Variants in MYO7A observed in about 807,000 individuals in gnomAD.
The protein encoded by MYO7A is myosin VIIA, also known as unconventional myosin-VIIa.
Under a neutral mutation model 263.8 loss-of-function variants are expected in MYO7A, and 210 were observed. The observed-to-expected ratio is 0.80, with a 90% CI of 0.71 to 0.89. MYO7A has a LOEUF of 0.89. MYO7A is among the 40% of genes least tolerant of loss of function. The pLI, the probability that MYO7A is intolerant of heterozygous loss-of-function variation, is 0.00. For synonymous variants in MYO7A, 1,239 were observed against 1,197.3 expected (o/e 1.03, Z -0.72); for missense variants, 2,820 against 2,968.3 (o/e 0.95, Z 1.16).
chr11:77,189,538 G>A (rs1555090550), intron 28 of MYO7A, 68 bp downstream of exon 28: 9 of 1,590,612 alleles, frequency 5.7e-6, no homozygotes, highest in Non-Finnish European at 7.7e-6. Context: ...TGTGGGGAGA[G>A]CAATAGCCAG....
At chr11:77,202,936 G>A (rs1311432119) in intron 37 of MYO7A, 124 bp from the exon 38 acceptor site, 5 of 1,229,610 alleles carry the variant, frequency 4.1e-6, no homozygotes, top group Non-Finnish European at 5.6e-6. Flanking sequence ...GAAGAGCAGG[G>A]CCTGGTGCCC....
Position 77,211,335 on chromosome 11 carries a change from C to A in MYO7A, c.6235C>A (p.Arg2079=), listed in dbSNP as rs759614902. 6.3e-7 allele frequency: 1 copy of A among 1,577,284 alleles called. No individual in the cohort carries two copies. The highest frequency in any genetic ancestry group is 8.6e-7 in the Non-Finnish European group (1 of 1,161,702). The part of the protein sequence containing the change: ...IRQVSPDDWK[R]SIVAYFNKHA... Reference sequence around the variant, plus strand: ...GCAGGTCTCACCTGATGACTGGAAGCGGGTGAGCATGGGGTGGGCATCGGG... The same window carrying A: ...GCAGGTCTCACCTGATGACTGGAAGAGGGTGAGCATGGGGTGGGCATCGGG... Residue 2079 remains arginine (R), a splice_region_variant and synonymous_variant, in exon 45 of 49, where the codon CGG becomes AGG. Coordinates refer to ENST00000409709, the MANE Select transcript of MYO7A (RefSeq NM_000260.4).
chr11:77,156,635 G>A (rs1407972124), intron 5 of MYO7A, 25 bp from the exon 6 acceptor site: 26 of 1,611,860 alleles, frequency 1.6e-5, no homozygotes, highest in Non-Finnish European at 2.1e-5. Flanking sequence ...GTTGTGACAG[G>A]TCCTGCCACT....
intron 44 of MYO7A, among the ~76,000 whole-genome samples, chr11:77,209,657 G>A (rs1957730274): frequency 6.6e-6 from 1 of 151,880 alleles, no homozygotes; most frequent in Admixed American, 6.6e-5. Flanking sequence ...TGTACCTCCT[G>A]GATATCTCTA....
intron 18 of MYO7A, among the ~76,000 whole-genome samples, chr11:77,176,880 A>C (rs1954694109): frequency 6.6e-6 from 1 of 152,148 alleles, no homozygotes; most frequent in South Asian, 2.1e-4. Flanking sequence ...GGAGGTGTTC[A>C]ATTCATATAT....
chr11:77,181,724 G>C (rs1555084442), intron 23 of MYO7A, 135 bp downstream of exon 23: 3 of 906,504 alleles, frequency 3.3e-6, no homozygotes, highest in African/African-American at 3.4e-5. Flanking sequence ...CTGGGTCCGG[G>C]CTGCAGGTCC....
In MYO7A at chr11:77,172,785, G is replaced by C. The variant is rs1555077054; in HGVS notation, c.1835G>C (p.Ser612Thr). ...ETRKRSPTLS[S>T]QFKRSLELLM... ...AGGAAGCGCTCGCCCACACTTAGCAGCCAGTTCAAGCGGTCACTGGAGCTG... is the reference window on the plus strand; with the variant it reads ...AGGAAGCGCTCGCCCACACTTAGCACCCAGTTCAAGCGGTCACTGGAGCTG... Residue 612 changes from serine to threonine, a missense_variant, in exon 16 of 49, where the codon AGC becomes ACC. Transcript: ENST00000409709. 6.4e-7 allele frequency: 1 copy of C among 1,560,000 alleles called. No individual in the cohort carries two copies. Among genetic ancestry groups the C allele is most frequent in the Non-Finnish European group, 8.7e-7 (1 of 1,152,518 alleles).
At chr11:77,137,551 G>C (rs2135558049) in intron 2 of MYO7A, among the ~76,000 whole-genome samples, 1 of 152,306 alleles carries the variant, frequency 6.6e-6, no homozygotes, top group South Asian at 2.1e-4. Flanking sequence ...CACAGGGCCT[G>C]GGCCTTCCGG....
chr11:77,132,457 A>G (rs929396434), intron 2 of MYO7A, among the ~76,000 whole-genome samples: 22 of 151,924 alleles, frequency 1.4e-4, no homozygotes, highest in African/African-American at 5.1e-4. Flanking sequence ...CAGCTGTGGG[A>G]AAACAGGGGT....
chr11:77,162,761 G>A, intron 13 of MYO7A, 92 bp from the exon 14 acceptor site: 3 of 1,516,312 alleles, frequency 2.0e-6, no homozygotes, highest in Non-Finnish European at 2.7e-6. Flanking sequence ...GGAAGCTCCT[G>A]AAGAAGAGAC....
At chr11:77,133,497 C>G (rs1182455432) in intron 2 of MYO7A, among the ~76,000 whole-genome samples, 2 of 152,220 alleles carry the variant, frequency 1.3e-5, no homozygotes, top group Non-Finnish European at 2.9e-5. Context: ...ATGATTTTGA[C>G]TTAACATCTA....
chr11:77,173,839 G>C (rs76228577), intron 16 of MYO7A, among the ~76,000 whole-genome samples: 2,128 of 152,176 alleles, frequency 0.014, 26 homozygotes, highest in Non-Finnish European at 0.024. Context: ...GGGGCCTGAG[G>C]GTCGCAGAGG....
Position 77,198,634 on chromosome 11 carries a change from G to A in MYO7A, c.4568+13G>A, listed in dbSNP as rs532356676. 9.6e-5 allele frequency: 155 copies of A among 1,613,124 alleles called. 2 individuals carry two copies. In the South Asian group the frequency reaches 1.2e-3, roughly 13 times the overall value. ...TGTCCAGCAGCAGGTGAGGAGGCCC[G>A]CATGGAGATGCAGACAGACAGAGGG... On this transcript the variant is annotated intron_variant, in intron 34 of 48. Coordinates refer to ENST00000409709, the MANE Select transcript of MYO7A (RefSeq NM_000260.4).
chr11:77,158,340 A>G lies in MYO7A; in HGVS notation c.913A>G (p.Met305Val), dbSNP rs1555065783. ...SQEYANIRSAMKVLMFTDTEN... is the reference protein window; with the variant it reads ...SQEYANIRSAVKVLMFTDTEN... ...GGAGTACGCCAACATCCGCTCCGCC[A>G]TGAAGGTGCTCATGTTCACTGACAC... Residue 305 changes from methionine to valine, a missense_variant, in exon 9 of 49, where the codon ATG (methionine) becomes GTG (valine). Coordinates refer to ENST00000409709, the MANE Select transcript of MYO7A (RefSeq NM_000260.4). 6.8e-6 allele frequency: 11 copies of G among 1,613,378 alleles called. No individual in the cohort carries two copies. Among genetic ancestry groups the G allele is most frequent in the East Asian group, 2.2e-5 (1 of 44,886 alleles).
In MYO7A at chr11:77,192,133, A is replaced by G; in HGVS notation, c.4007A>G (p.Gln1336Arg). 6.2e-7 allele frequency: 1 copy of G among 1,613,964 alleles called. No homozygotes were observed. Among genetic ancestry groups the G allele is most frequent in the Non-Finnish European group, 8.5e-7 (1 of 1,179,894 alleles). ...CEQYAKEQGA[Q>R]ERNAPWRLFF... ...CAGTACGCCAAGGAGCAGGGCGCCC[A>G]GGAGCGCAACGCCCCCTGGAGGCTC... Residue 1336 changes from glutamine to arginine, a missense_variant, in exon 31 of 49, where the codon CAG becomes CGG. Physicochemically the swap from Gln to Arg is conservative, Grantham distance 43. Coordinates refer to ENST00000409709, the MANE Select transcript of MYO7A (RefSeq NM_000260.4).
intron 16 of MYO7A, among the ~76,000 whole-genome samples, chr11:77,173,939 C>T (rs1179103877): frequency 6.6e-6 from 1 of 152,012 alleles, no homozygotes; most frequent in Non-Finnish European, 1.5e-5. Flanking sequence ...TGAAGTGGGA[C>T]CCTTCCCTCG....
At position 77,214,710 on chromosome 11, in the gene MYO7A, G is replaced by C; in HGVS notation, c.*14G>C. On this transcript the variant is annotated 3_prime_UTR_variant, in exon 49 of 49. Coordinates refer to ENST00000409709, the MANE Select transcript of MYO7A (RefSeq NM_000260.4). ...AGCGGCAAGTGAACAGTCACGGGGA[G>C]GTGCTGGTTCCATGCCTGCTCTCGA... is the stretch of plus-strand genomic sequence containing the variant. The C allele has an allele frequency of 1.3e-6, 2 of 1,554,658 alleles. No homozygotes were observed. Among genetic ancestry groups the C allele is most frequent in the African/African-American group, 2.7e-5 (2 of 73,502 alleles).
At chr11:77,198,428 AT>A in intron 33 of MYO7A, 66 bp from the exon 34 acceptor site, 1 of 1,585,356 alleles carries the variant, frequency 6.3e-7, no homozygotes, top group Non-Finnish European at 8.6e-7. Context: ...CCTGGCCGTT[AT>A]GAGATTGAGA....
Position 77,183,154 on chromosome 11 carries a change from G to T in MYO7A, c.3372G>T (p.Glu1124Asp). 1 of 1,551,704 alleles carries T rather than the reference G, an allele frequency of 6.4e-7. No homozygotes were observed. Among genetic ancestry groups the T allele is most frequent in the Non-Finnish European group, 8.7e-7 (1 of 1,147,368 alleles). ...TGAAAAAGAAGTCCAAGCTCACAGA[G>T]GAGGTGAGGGCAGACGCTGGGGGTC... ...LTLKKKSKLT[E>D]EVTKRLHDGE... Residue 1124 changes from glutamate to aspartate, a missense_variant, in exon 26 of 49, where the codon GAG becomes GAT. Glu to Asp is a conservative substitution (Grantham distance 45, BLOSUM62 2). Transcript: ENST00000409709.
Sources: gnomAD v4.1 joint callset for allele counts (sites outside exome capture counted in the v4.1 genomes callset) on GRCh38, gnomAD v4.1.1 for gene constraint, MANE v1.5 for transcripts, NCBI Gene and HGNC (gene_info 2026-07-23, HGNC 2026-07-21) for gene names.